Variants in CCT3 observed in about 807,000 individuals in gnomAD.
CCT3 encodes the protein chaperonin containing TCP1 subunit 3, also known as T-complex protein 1 subunit gamma.
Under a neutral mutation model 65.3 loss-of-function variants are expected in CCT3, and 10 were observed. The ratio of observed to expected loss-of-function variants is 0.15; its 90% CI spans 0.09 to 0.26. The LOEUF (loss-of-function observed/expected upper bound fraction) is 0.26, where lower values mean the gene tolerates loss of function less well. Among genes scored for constraint, CCT3 ranks in the 10% least tolerant of loss-of-function variants. The probability of loss-of-function intolerance (pLI) is 1.00; values close to 1 mark genes in which losing one functional copy is unlikely to be tolerated. For missense variants in CCT3, 626 were observed against 708.7 expected (o/e 0.88, Z 1.33); for synonymous variants, 225 against 242.3 (o/e 0.93, Z 0.66).
At chr1:156,336,544 C>T (rs1665374982) in intron 1 of CCT3, among the ~76,000 whole-genome samples, 1 of 152,134 alleles carries the variant, frequency 6.6e-6, no homozygotes, top group African/African-American at 2.4e-5. Flanking sequence ...AATAAGAAGG[C>T]CTCAGTAACC....
chr1:156,314,790 C>G (rs778650273), intron 10 of CCT3, among the ~76,000 whole-genome samples: 6 of 152,020 alleles, frequency 3.9e-5, no homozygotes, highest in Admixed American at 1.3e-4. Flanking sequence ...CAAAGCAGTG[C>G]CAGACGATGA....
intron 1 of CCT3, among the ~76,000 whole-genome samples, chr1:156,336,280 AT>A (rs11389824): frequency 9.6e-5 from 14 of 146,186 alleles, no homozygotes; most frequent in Admixed American, 2.7e-4. Context: ...AGATACTGCA[AT>A]TTTTTTTTTT....
At chr1:156,318,453 G>A (rs77511197) in intron 8 of CCT3, among the ~76,000 whole-genome samples, 1 of 151,874 alleles carries the variant, frequency 6.6e-6, no homozygotes, top group Non-Finnish European at 1.5e-5. Context: ...TCCTGGGCTC[G>A]AGCCATCCAC....
At chr1:156,336,491 C>T (rs746701148) in intron 1 of CCT3, among the ~76,000 whole-genome samples, 2 of 152,162 alleles carry the variant, frequency 1.3e-5, no homozygotes, top group Non-Finnish European at 2.9e-5. Context: ...ACACACTCAA[C>T]AGTTTGCAAG....
chr1:156,317,352 G>C, intron 9 of CCT3, 63 bp downstream of exon 9: 1 of 1,599,224 alleles, frequency 6.3e-7, no homozygotes. Flanking sequence ...CATGAGGGGA[G>C]AAAACAAATC....
At chr1:156,317,345 G>T in intron 9 of CCT3, 70 bp downstream of exon 9, 1 of 1,593,788 alleles carries the variant, frequency 6.3e-7, no homozygotes, top group East Asian at 2.2e-5. Flanking sequence ...TGCCAAACAT[G>T]AGGGGAGAAA....
intron 2 of CCT3, 89 bp from the exon 3 acceptor site, chr1:156,335,007 A>G: frequency 1.0e-6 from 1 of 989,230 alleles, no homozygotes; most frequent in South Asian, 1.4e-5. Flanking sequence ...GGCATGAACA[A>G]CCCACAGAGT....
intron 5 of CCT3, among the ~76,000 whole-genome samples, chr1:156,331,067 A>G (rs959734052): frequency 6.6e-6 from 1 of 151,748 alleles, no homozygotes; most frequent in African/African-American, 2.4e-5. Context: ...TCCCGTCACT[A>G]TTAAAAATAT....
chr1:156,335,162 C>G, intron 2 of CCT3: 1 of 459,056 alleles, frequency 2.2e-6, no homozygotes, highest in South Asian at 3.2e-5. Context: ...TGAGCCATTC[C>G]GCCCAGCCAG....
chr1:156,313,181 A>C (rs892219603), intron 10 of CCT3, among the ~76,000 whole-genome samples: 2 of 152,008 alleles, frequency 1.3e-5, no homozygotes, highest in African/African-American at 2.4e-5. Flanking sequence ...CTAAAAATAC[A>C]AGAAAAAATT....
chr1:156,309,259 G>A lies in CCT3; in HGVS notation c.1578C>T (p.His526=), dbSNP rs956700810. ...GGCTCTGGTCATCGCCTTTCTTTTT[G>A]TGGCCTGAAACGATGTCATCAATTC... The part of the protein sequence containing the change: ...LLRIDDIVSG[H]KKKGDDQSRQ... Residue 526 remains histidine, a synonymous_variant, in exon 14 of 14, where the codon CAC becomes CAT. Coordinates refer to ENST00000295688, the MANE Select transcript of CCT3 (RefSeq NM_005998.5). 3.7e-6 allele frequency: 6 copies of A among 1,613,936 alleles called. No homozygotes were observed. In the African/African-American group the frequency reaches 5.3e-5, roughly 14 times the overall value.
intron 1 of CCT3, 30 bp downstream of exon 1, chr1:156,338,124 G>A (rs1355809526): frequency 7.0e-6 from 11 of 1,574,366 alleles, no homozygotes; most frequent in Middle Eastern, 3.3e-4. Flanking sequence ...GCGAAAAGGG[G>A]GTCCATTTCC....
rs1313284569 is a variant in CCT3 at position 156,318,915 on chromosome 1, T to C, written c.712A>G (p.Ile238Val). 4 of 1,614,166 alleles carry C rather than the reference T, an allele frequency of 2.5e-6. No individual in the cohort carries two copies. Among genetic ancestry groups the C allele is most frequent in the Non-Finnish European group, 2.5e-6 (3 of 1,180,032 alleles). Residue 238 changes from isoleucine to valine, a missense_variant, in exon 8 of 14, where the codon ATT (isoleucine) becomes GTT (valine). By Grantham distance (29) the Ile-to-Val change is conservative (BLOSUM62 3). Transcript: ENST00000295688. ...TCCAGAGAAGAATCCAGCAGCACAA[T>C]GCGAGGGTTCTTGATATAGCGCCGC... is the stretch of plus-strand genomic sequence containing the variant. ...RMRRYIKNPRIVLLDSSLEYK... is the reference protein window; with the variant it reads ...RMRRYIKNPRVVLLDSSLEYK...
At chr1:156,321,704 T>C (rs956907674) in intron 6 of CCT3, among the ~76,000 whole-genome samples, 1 of 152,042 alleles carries the variant, frequency 6.6e-6, no homozygotes, top group Admixed American at 6.6e-5. Flanking sequence ...TGAAACCCCA[T>C]CTCTATTAAA....
chr1:156,333,046 A>T (rs1665174074), intron 5 of CCT3: 1 of 177,610 alleles, frequency 5.6e-6, no homozygotes, highest in African/African-American at 2.4e-5. Context: ...CTGTAATCCC[A>T]GCACTTTGGG....
intron 10 of CCT3, among the ~76,000 whole-genome samples, chr1:156,313,045 T>C (rs1664148764): frequency 1.3e-5 from 2 of 152,128 alleles, no homozygotes; most frequent in African/African-American, 4.8e-5. Context: ...CCAGATACCA[T>C]TAAGAAAATG....
At chr1:156,329,301 ATCT>A (rs1383054246) in intron 5 of CCT3, among the ~76,000 whole-genome samples, 1 of 115,150 alleles carries the variant, frequency 8.7e-6, no homozygotes, top group African/African-American at 3.0e-5. Flanking sequence ...ACGTATCCCC[ATCT>A]TTTTTTTTTT....
At chr1:156,311,255 A>C (rs1664074085) in intron 11 of CCT3, 60 bp from the exon 12 acceptor site, 6 of 1,546,198 alleles carry the variant, frequency 3.9e-6, no homozygotes, top group African/African-American at 2.7e-5. Flanking sequence ...AATCGGAGGC[A>C]CCAAAAGGAC....
intron 8 of CCT3, 42 bp from the exon 9 acceptor site, chr1:156,317,589 C>A (rs1664361026): frequency 6.3e-7 from 1 of 1,582,622 alleles, no homozygotes. Flanking sequence ...AATCCCTGGA[C>A]TGGTGAAGCT....
Sources: gnomAD v4.1 joint callset for allele counts (sites outside exome capture counted in the v4.1 genomes callset) on GRCh38, gnomAD v4.1.1 for gene constraint, MANE v1.5 for transcripts, NCBI Gene and HGNC (gene_info 2026-07-23, HGNC 2026-07-21) for gene names.